TMEM132D: variants seen among roughly 807,000 people sequenced by gnomAD.
TMEM132D encodes the protein transmembrane protein 132D.
In TMEM132D, 21 loss-of-function variants were observed where a neutral mutation model predicts 62.3. The ratio of observed to expected loss-of-function variants is 0.34; its 90% CI spans 0.24 to 0.49. The LOEUF (loss-of-function observed/expected upper bound fraction) is 0.49, where lower values mean the gene tolerates loss of function less well. Ranked by LOEUF, TMEM132D falls within the 20% of genes least tolerant of loss-of-function variation. TMEM132D has a pLI of 0.99. For missense variants in TMEM132D, 1,346 were observed against 1,402.8 expected, an observed-to-expected ratio of 0.96 and a Z score of 0.65; for synonymous variants, 621 against 575.6, an observed-to-expected ratio of 1.08 and a Z score of -1.13.
chr12:129,554,505 G>A (rs1197048541), intron 2 of TMEM132D, among the ~76,000 whole-genome samples: 1 of 152,124 alleles, frequency 6.6e-6, no homozygotes, highest in Non-Finnish European at 1.5e-5. Flanking sequence ...GTTGCTTACT[G>A]TGGGTTCCAT....
At chr12:129,496,390 C>A (rs1874957493) in intron 3 of TMEM132D, among the ~76,000 whole-genome samples, 1 of 152,104 alleles carries the variant, frequency 6.6e-6, no homozygotes, top group South Asian at 2.1e-4. Context: ...CCGGCTGTGA[C>A]AAGGCTGGCT....
At chr12:129,320,263 A>G (rs569010779) in intron 4 of TMEM132D, among the ~76,000 whole-genome samples, 10 of 152,346 alleles carry the variant, frequency 6.6e-5, no homozygotes, top group Non-Finnish European at 1.3e-4. Context: ...TGAGACTGAT[A>G]GACAATTTAA....
Position 129,370,340 on chromosome 12 carries a change from A to G in TMEM132D, c.1116-32523T>C, listed in dbSNP as rs562701945. On this transcript the variant is annotated intron_variant, in intron 3 of 8. Coordinates refer to ENST00000422113, the MANE Select transcript of TMEM132D (RefSeq NM_133448.3). ...GAATTGTCCTTATTTTCACAAATCC[A>G]TGGTTCCCAAATGAGGCCCGCCTGT... 8.5e-5 allele frequency among the ~76,000 whole-genome samples: 13 copies of G among 152,310 alleles called. No homozygotes were observed. The South Asian group carries it at 2.7e-3, about 32-fold the overall frequency.
intron 1 of TMEM132D, among the ~76,000 whole-genome samples, chr12:129,746,478 T>C (rs926291849): frequency 6.6e-6 from 1 of 152,076 alleles, no homozygotes; most frequent in East Asian, 1.9e-4. Flanking sequence ...AGATTTAAAA[T>C]ACATTAAAGG....
intron 2 of TMEM132D, among the ~76,000 whole-genome samples, chr12:129,575,737 T>G: frequency 6.6e-6 from 1 of 150,718 alleles, no homozygotes; most frequent in Non-Finnish European, 1.5e-5. Flanking sequence ...AATTCAATTA[T>G]GTCTGCAGAT....
At chr12:129,172,206 C>T (rs1292009742) in intron 5 of TMEM132D, among the ~76,000 whole-genome samples, 1 of 152,234 alleles carries the variant, frequency 6.6e-6, no homozygotes, top group Non-Finnish European at 1.5e-5. Context: ...CTGCTAGCTT[C>T]CAGCTTTTCT....
At chr12:129,897,417 G>A (rs1593203160) in intron 1 of TMEM132D, among the ~76,000 whole-genome samples, 1 of 152,080 alleles carries the variant, frequency 6.6e-6, no homozygotes, top group Non-Finnish European at 1.5e-5. Flanking sequence ...GGTCCTGGAA[G>A]ACCAGAGGCC....
At chr12:129,169,639 G>A (rs114720584) in intron 5 of TMEM132D, among the ~76,000 whole-genome samples, 2,437 of 152,190 alleles carry the variant, frequency 0.016, 65 homozygotes, top group African/African-American at 0.055. Flanking sequence ...CTACTTCATC[G>A]ATTTTTTTGT....
intron 3 of TMEM132D, among the ~76,000 whole-genome samples, chr12:129,417,055 G>T (rs890673595): frequency 1.3e-5 from 2 of 152,078 alleles, no homozygotes; most frequent in Non-Finnish European, 2.9e-5. Flanking sequence ...GAATGATGCT[G>T]GCTTCATAAA....
At chr12:129,819,094 C>T (rs2137323374) in intron 1 of TMEM132D, among the ~76,000 whole-genome samples, 1 of 152,054 alleles carries the variant, frequency 6.6e-6, no homozygotes, top group South Asian at 2.1e-4. Flanking sequence ...CTGCTAAATG[C>T]ACACAACTGC....
At chr12:129,635,880 C>A (rs778650968) in intron 2 of TMEM132D, among the ~76,000 whole-genome samples, 1 of 152,106 alleles carries the variant, frequency 6.6e-6, no homozygotes. Context: ...AGACATTAAT[C>A]GATACATGTA....
At chr12:129,247,052 C>G in intron 4 of TMEM132D, among the ~76,000 whole-genome samples, 1 of 152,154 alleles carries the variant, frequency 6.6e-6, no homozygotes, top group Middle Eastern at 3.2e-3. Context: ...TATGTTTCTT[C>G]CTCCTTAATC....
intron 5 of TMEM132D, among the ~76,000 whole-genome samples, chr12:129,144,634 C>T (rs1203576018): frequency 6.6e-6 from 1 of 152,028 alleles, no homozygotes; most frequent in Non-Finnish European, 1.5e-5. Context: ...TGAGACCAGC[C>T]CAAATTGCCA....
rs11060501 is a variant in TMEM132D, at chr12:129,692,562, A to T, written c.968+7248T>A. ...GCATATGTTCATTGCAGCACTATTC[A>T]CACTATTCACAATAGCAAAGACATG... On this transcript the variant is annotated intron_variant, in intron 2 of 8. Coordinates refer to ENST00000422113, the MANE Select transcript of TMEM132D (RefSeq NM_133448.3). 2.0e-5 allele frequency among the ~76,000 whole-genome samples: 3 copies of T among 152,348 alleles called. No homozygotes were observed. In the East Asian group the frequency reaches 5.8e-4, roughly 29 times the overall value.
At chr12:129,121,494 GAA>G (rs1289071307) in intron 5 of TMEM132D, among the ~76,000 whole-genome samples, 1 of 152,142 alleles carries the variant, frequency 6.6e-6, no homozygotes, top group Non-Finnish European at 1.5e-5. Context: ...AGTCATTTGG[GAA>G]AGAAGATACG....
At chr12:129,404,520 A>C (rs1871717671) in intron 3 of TMEM132D, among the ~76,000 whole-genome samples, 1 of 152,208 alleles carries the variant, frequency 6.6e-6, no homozygotes, top group South Asian at 2.1e-4. Flanking sequence ...TTATAAAGAA[A>C]AGAAAAAGGT....
chr12:129,171,669 G>A lies in TMEM132D; in HGVS notation c.1443+37851C>T, dbSNP rs114850525. On this transcript the variant is annotated intron_variant, in intron 5 of 8. Coordinates refer to ENST00000422113, the MANE Select transcript of TMEM132D (RefSeq NM_133448.3). The stretch of plus-strand genomic sequence containing the variant: ...CAGGTGTGAAAACAAGATTCATCTC[G>A]CACATCTCCATCAGCACTCTTGGGC... Among the ~76,000 whole-genome samples the A allele has an allele frequency of 1.1e-3, 167 of 152,294 alleles. 1 individual carries two copies. Among genetic ancestry groups the A allele is most frequent in the African/African-American group, 3.9e-3 (161 of 41,540 alleles).
intron 2 of TMEM132D, among the ~76,000 whole-genome samples, chr12:129,626,658 T>C (rs1879225397): frequency 1.3e-5 from 2 of 152,162 alleles, no homozygotes; most frequent in Admixed American, 6.5e-5. Flanking sequence ...GGTTTCACCA[T>C]GTTGGCTAGT....
At chr12:129,346,309 T>C (rs1032316630) in intron 3 of TMEM132D, among the ~76,000 whole-genome samples, 8 of 152,162 alleles carry the variant, frequency 5.3e-5, no homozygotes, top group Non-Finnish European at 1.0e-4. Flanking sequence ...TCTTATTTTG[T>C]CTATTTGATT....
Sources: allele counts gnomAD v4.1 joint callset (sites outside exome capture counted in the v4.1 genomes callset), GRCh38; gene constraint gnomAD v4.1.1; transcripts MANE v1.5; gene names NCBI Gene and HGNC (gene_info 2026-07-23, HGNC 2026-07-21).